The following MAGI2 variants were observed in gnomAD, a reference collection of about 807,000 sequenced individuals.
MAGI2 encodes membrane-associated guanylate kinase, WW and PDZ domain-containing protein 2.
Under a neutral mutation model 133.3 loss-of-function variants are expected in MAGI2, and 35 were observed. The observed-to-expected ratio is 0.26, with a 90% CI of 0.20 to 0.35. MAGI2 has a LOEUF of 0.35. Among genes scored for constraint, MAGI2 ranks in the 10% least tolerant of loss-of-function variants. MAGI2 has a pLI of 1.00. For missense variants in MAGI2, 1,636 were observed against 1,863.4 expected, an observed-to-expected ratio of 0.88 and a Z score of 2.25; for synonymous variants, 729 against 710.6, an observed-to-expected ratio of 1.03 and a Z score of -0.41.
chr7:79,372,368 A>G (rs963685967), intron 1 of MAGI2, among the ~76,000 whole-genome samples: 1 of 152,176 alleles, frequency 6.6e-6, no homozygotes, highest in Admixed American at 6.6e-5. Context: ...AAGTCTGGTA[A>G]TGGGATGAAA....
intron 6 of MAGI2, among the ~76,000 whole-genome samples, chr7:78,401,221 T>C (rs1796831400): frequency 6.6e-6 from 1 of 152,000 alleles, no homozygotes; most frequent in Non-Finnish European, 1.5e-5. Context: ...GGGATGGATC[T>C]GTAGCATGAG....
At chr7:78,969,746 CG>C (rs1466756843) in intron 2 of MAGI2, among the ~76,000 whole-genome samples, 4 of 151,944 alleles carry the variant, frequency 2.6e-5, no homozygotes, top group African/African-American at 4.8e-5. Flanking sequence ...GCAGTTGACT[CG>C]AAATTACTGC....
At chr7:78,457,144 C>T (rs1386574663) in intron 6 of MAGI2, among the ~76,000 whole-genome samples, 3 of 152,204 alleles carry the variant, frequency 2.0e-5, no homozygotes, top group Admixed American at 6.5e-5. Context: ...CTGCTTTCCA[C>T]CTACTAGCCC....
intron 1 of MAGI2, among the ~76,000 whole-genome samples, chr7:79,028,316 CACATAT>C (rs777309719): frequency 0.58 from 70,955 of 122,476 alleles, 21,233 homozygotes; most frequent in East Asian, 0.63. Context: ...TATATATACA[CACATAT>C]ATATACATAT....
intron 6 of MAGI2, among the ~76,000 whole-genome samples, chr7:78,378,431 C>T (rs1329290716): frequency 2.0e-5 from 3 of 151,968 alleles, no homozygotes; most frequent in Non-Finnish European, 4.4e-5. Context: ...TGTCCCCAGT[C>T]AATTCCAAAA....
intron 2 of MAGI2, among the ~76,000 whole-genome samples, chr7:78,894,723 A>G (rs1053427141): frequency 6.6e-6 from 1 of 152,202 alleles, no homozygotes; most frequent in African/African-American, 2.4e-5. Context: ...GCATAAACAA[A>G]TCCAATAATA....
rs1330619892 is a variant in MAGI2, at chr7:78,209,047, C to A, written c.2048-7854G>T. Reference sequence around the variant, plus strand: ...ACCATCTGGGCTAACACGGTGAAACCCTGTCTCTACTAAAAATACAAAAAA... The same window carrying A: ...ACCATCTGGGCTAACACGGTGAAACACTGTCTCTACTAAAAATACAAAAAA... On this transcript the variant is annotated intron_variant, in intron 10 of 21. Transcript: ENST00000354212. Among the ~76,000 whole-genome samples the A allele has an allele frequency of 1.3e-3, 192 of 146,490 alleles. 1 individual carries two copies. The highest frequency in any genetic ancestry group is 2.3e-3 in the Non-Finnish European group (152 of 66,446).
intron 2 of MAGI2, among the ~76,000 whole-genome samples, chr7:78,766,950 C>A (rs1374733932): frequency 2.0e-5 from 3 of 151,706 alleles, no homozygotes; most frequent in African/African-American, 7.3e-5. Flanking sequence ...CCTCTGATAT[C>A]TGTGAAACGC....
intron 6 of MAGI2, among the ~76,000 whole-genome samples, chr7:78,425,755 C>A (rs1189608238): frequency 1.3e-5 from 2 of 152,162 alleles, no homozygotes; most frequent in African/African-American, 4.8e-5. Flanking sequence ...AAGGCCACAG[C>A]TTAGAAATAA....
chr7:79,057,256 A>G (rs1373345788), intron 1 of MAGI2, among the ~76,000 whole-genome samples: 1 of 152,170 alleles, frequency 6.6e-6, no homozygotes, highest in Non-Finnish European at 1.5e-5. Flanking sequence ...TGGATTAGGA[A>G]ATAGAGATGT....
intron 1 of MAGI2, among the ~76,000 whole-genome samples, chr7:79,139,134 C>T (rs1016673535): frequency 2.0e-5 from 3 of 152,102 alleles, no homozygotes; most frequent in East Asian, 1.9e-4. Context: ...TCTTGAACTT[C>T]CAGCCTCCAG....
At chr7:78,955,509 A>T (rs1184926969) in intron 2 of MAGI2, among the ~76,000 whole-genome samples, 1 of 152,140 alleles carries the variant, frequency 6.6e-6, no homozygotes, top group Non-Finnish European at 1.5e-5. Context: ...TCGGAAAAAA[A>T]TAAGACTCCC....
chr7:79,168,279 AC>A (rs959005345), intron 1 of MAGI2, among the ~76,000 whole-genome samples: 1 of 151,958 alleles, frequency 6.6e-6, no homozygotes, highest in Non-Finnish European at 1.5e-5. Context: ...GTCTCGGCAC[AC>A]CACCTAGATT....
At chr7:78,401,066 T>C (rs899186991) in intron 6 of MAGI2, among the ~76,000 whole-genome samples, 9 of 137,646 alleles carry the variant, frequency 6.5e-5, no homozygotes, top group African/African-American at 1.8e-4. Context: ...TCCATTCCTT[T>C]GAAAAAAAAA....
At chr7:79,388,483 T>C (rs1844358123) in intron 1 of MAGI2, among the ~76,000 whole-genome samples, 1 of 151,964 alleles carries the variant, frequency 6.6e-6, no homozygotes, top group African/African-American at 2.4e-5. Context: ...TCTTAGTTCA[T>C]TAGAGAGTCA....
At chr7:78,106,326 G>A (rs145039369) in intron 20 of MAGI2, among the ~76,000 whole-genome samples, 5 of 152,204 alleles carry the variant, frequency 3.3e-5, no homozygotes, top group Admixed American at 3.3e-4. Flanking sequence ...ACAAGGGGGT[G>A]CACATATCTC....
At chr7:78,949,075 G>T (rs1801663807) in intron 2 of MAGI2, among the ~76,000 whole-genome samples, 1 of 152,084 alleles carries the variant, frequency 6.6e-6, no homozygotes, top group Non-Finnish European at 1.5e-5. Flanking sequence ...TATGAACATT[G>T]TGAAATCAGG....
chr7:79,192,780 A>G (rs571526242), intron 1 of MAGI2, among the ~76,000 whole-genome samples: 1 of 152,004 alleles, frequency 6.6e-6, no homozygotes, highest in African/African-American at 2.4e-5. Flanking sequence ...TTTTATTCCA[A>G]CTGAAATGGG....
At chr7:78,759,636 T>C (rs1379927717) in intron 2 of MAGI2, among the ~76,000 whole-genome samples, 1 of 152,206 alleles carries the variant, frequency 6.6e-6, no homozygotes, top group Non-Finnish European at 1.5e-5. Flanking sequence ...TAAAGAATGA[T>C]GCTAATATAA....
Sources: gnomAD v4.1 joint callset for allele counts (sites outside exome capture counted in the v4.1 genomes callset) on GRCh38, gnomAD v4.1.1 for gene constraint, MANE v1.5 for transcripts, NCBI Gene and HGNC (gene_info 2026-07-23, HGNC 2026-07-21) for gene names.